TPST2: variants seen among roughly 807,000 people sequenced by gnomAD.
TPST2 encodes protein-tyrosine sulfotransferase 2.
In TPST2, 16 loss-of-function variants were observed where a neutral mutation model predicts 27.8. The observed-to-expected ratio is 0.58, with a 90% CI of 0.39 to 0.88. The LOEUF (loss-of-function observed/expected upper bound fraction) is 0.88. Among genes scored for constraint, TPST2 ranks in the 40% least tolerant of loss-of-function variants. The pLI, the probability that TPST2 is intolerant of heterozygous loss-of-function variation, is 0.00. For synonymous variants in TPST2, 229 were observed against 231.7 expected, an observed-to-expected ratio of 0.99 and a Z score of 0.10; for missense variants, 464 against 543.1, an observed-to-expected ratio of 0.85 and a Z score of 1.45.
intron 1 of TPST2, among the ~76,000 whole-genome samples, chr22:26,546,875 T>G (rs952149291): frequency 6.6e-6 from 1 of 151,676 alleles, no homozygotes; most frequent in Non-Finnish European, 1.5e-5. Context: ...GGGAAGAGGG[T>G]GAAGGGAAGA....
chr22:26,552,746 C>T (rs770918805), intron 1 of TPST2, among the ~76,000 whole-genome samples: 6 of 152,094 alleles, frequency 3.9e-5, no homozygotes. Flanking sequence ...AGTTTGCCAA[C>T]CCCCTGGTCT....
intron 1 of TPST2, among the ~76,000 whole-genome samples, chr22:26,556,522 A>G (rs1926803496): frequency 6.6e-6 from 1 of 152,216 alleles, no homozygotes; most frequent in Non-Finnish European, 1.5e-5. Flanking sequence ...CCTGGGCGAC[A>G]AGAGCGAAAC....
At chr22:26,534,032 G>A (rs530584241) in intron 4 of TPST2, among the ~76,000 whole-genome samples, 15 of 152,024 alleles carry the variant, frequency 9.9e-5, no homozygotes, top group Admixed American at 3.9e-4. Context: ...AATAAGAAAC[G>A]TTACATACTT....
At chr22:26,563,425 T>G in intron 1 of TPST2, among the ~76,000 whole-genome samples, 1 of 149,920 alleles carries the variant, frequency 6.7e-6, no homozygotes. Context: ...GTCTCCCGGG[T>G]TCACACCATT....
At position 26,541,713 on chromosome 22, in the gene TPST2, T is replaced by A; in HGVS notation, c.-83A>T. On this transcript the variant is annotated 5_prime_UTR_variant, in exon 3 of 7. The change abolishes the stop of an existing upstream ORF in the 5' untranslated region. Coordinates refer to ENST00000338754, the MANE Select transcript of TPST2 (RefSeq NM_003595.5). This position sits in a 1 kb window ranked among gnomAD's most constrained non-coding sequence, Gnocchi z 5.9. ...CAGGTTAGCGGGCAGCCCGCCAGGC[T>A]CACATCTGGGGAGAGAGGGGGACAT... 1 of 1,469,150 alleles carries A rather than the reference T, an allele frequency of 6.8e-7. No homozygotes were observed. Among genetic ancestry groups the A allele is most frequent in the Non-Finnish European group, 9.0e-7 (1 of 1,117,130 alleles). 91.0% of individuals were successfully genotyped at this position (1,469,150 alleles called of 1,614,324 possible).
chr22:26,550,204 G>A (rs1926392597), intron 1 of TPST2, among the ~76,000 whole-genome samples: 1 of 152,130 alleles, frequency 6.6e-6, no homozygotes, highest in African/African-American at 2.4e-5. Context: ...TACTGAGCAA[G>A]TACCATGTGC....
chr22:26,579,504 C>T (rs1055167428), intron 1 of TPST2, among the ~76,000 whole-genome samples: 4 of 152,180 alleles, frequency 2.6e-5, no homozygotes, highest in African/African-American at 9.7e-5. Flanking sequence ...GCGGCCTTGC[C>T]AGGTGCCTGA....
intron 1 of TPST2, among the ~76,000 whole-genome samples, chr22:26,545,934 C>T (rs945575560): frequency 6.6e-6 from 1 of 151,958 alleles, no homozygotes; most frequent in Non-Finnish European, 1.5e-5. Context: ...AAAAAGTTAT[C>T]CAGGTGATGG....
intron 1 of TPST2, among the ~76,000 whole-genome samples, chr22:26,559,954 GCATAT>G (rs1927002300): frequency 6.6e-6 from 1 of 152,146 alleles, no homozygotes; most frequent in Admixed American, 6.5e-5. Flanking sequence ...GGGTATAGAA[GCATAT>G]CATATCAATG....
intron 1 of TPST2, among the ~76,000 whole-genome samples, chr22:26,582,206 C>T: frequency 6.6e-6 from 1 of 152,192 alleles, no homozygotes; most frequent in East Asian, 1.9e-4. Context: ...GCAGGCAGAT[C>T]ACTTGAGGTC....
At chr22:26,567,190 T>C (rs1927415589) in intron 1 of TPST2, among the ~76,000 whole-genome samples, 1 of 152,212 alleles carries the variant, frequency 6.6e-6, no homozygotes, top group African/African-American at 2.4e-5. Context: ...AGCCTGTACC[T>C]GAACAGAAGA....
At position 26,563,909 on chromosome 22, in the gene TPST2, C is replaced by G. The variant is rs536468782; in HGVS notation, c.-160-19234G>C. ...ACCCCAGGCGTTTCCATGCACAATA[C>G]GATTTGAGAAGCACAGCTCTAGGTA... is the stretch of plus-strand genomic sequence containing the variant. On this transcript the variant is annotated intron_variant, in intron 1 of 6. Transcript: ENST00000338754. Among the ~76,000 whole-genome samples, 199 of 152,256 alleles carry G rather than the reference C, an allele frequency of 1.3e-3. 2 individuals carry two copies. Among genetic ancestry groups the G allele is most frequent in the African/African-American group, 4.4e-3 (182 of 41,558 alleles).
At chr22:26,563,386 T>A (rs1602289396) in intron 1 of TPST2, among the ~76,000 whole-genome samples, 1 of 149,152 alleles carries the variant, frequency 6.7e-6, no homozygotes, top group South Asian at 2.1e-4. Flanking sequence ...TGGAGTGCAG[T>A]GGCGTGATCT....
At chr22:26,537,946 A>C (rs1409794342) in intron 3 of TPST2, among the ~76,000 whole-genome samples, 1 of 152,168 alleles carries the variant, frequency 6.6e-6, no homozygotes, top group Non-Finnish European at 1.5e-5. Flanking sequence ...ATTCCCCTGA[A>C]GACAGACATT....
Position 26,541,291 on chromosome 22 carries a change from A to C in TPST2, c.340T>G (p.Ser114Ala), listed in dbSNP as rs758560095. ...CGCAGCTTCTCACGGCCAGACTTGG[A>C]CCAGGCCTGGCGCATGGCCAGCACG... ...PRVLAMRQAW[S>A]KSGREKLRLD... The change falls in exon 3 of 7, where the codon TCC (serine) becomes GCC (alanine). Residue 114 changes from serine (S) to alanine (A), a missense_variant. Physicochemically the swap from Ser to Ala is moderately conservative, Grantham distance 99. Coordinates refer to ENST00000338754, the MANE Select transcript of TPST2 (RefSeq NM_003595.5). The surrounding 1 kb of genome is among the most constrained non-coding windows in gnomAD (Gnocchi z 5.9). 6.5e-7 allele frequency: 1 copy of C among 1,541,716 alleles called. No homozygotes were observed. Among genetic ancestry groups the C allele is most frequent in the Non-Finnish European group, 8.8e-7 (1 of 1,142,612 alleles).
At chr22:26,577,508 C>CAGCT (rs757550918) in intron 1 of TPST2, among the ~76,000 whole-genome samples, 64 of 151,640 alleles carry the variant, frequency 4.2e-4, no homozygotes, top group Non-Finnish European at 8.3e-4. Context: ...CCACCATGCC[C>CAGCT]AGCTAATTTT....
chr22:26,575,235 C>T (rs1927784567), intron 1 of TPST2, among the ~76,000 whole-genome samples: 1 of 152,166 alleles, frequency 6.6e-6, no homozygotes, highest in African/African-American at 2.4e-5. Context: ...TAGCAGAGTA[C>T]CTGACACACA....
chr22:26,550,790 G>A (rs1449806040), intron 1 of TPST2: 3 of 410,118 alleles, frequency 7.3e-6, no homozygotes, highest in Non-Finnish European at 9.9e-6. Flanking sequence ...GGTCTCTTGG[G>A]CAGGGTCCCT....
chr22:26,544,476 G>C lies in TPST2; in HGVS notation c.-89+128C>G, dbSNP rs183312164. Reference sequence around the variant, plus strand: ...TCCAACCTGCTGGCTGAACAGAAAGGTGAAAACCAGCCAGGGGAGTTTGCC... The same window carrying C: ...TCCAACCTGCTGGCTGAACAGAAAGCTGAAAACCAGCCAGGGGAGTTTGCC... On this transcript the variant is annotated intron_variant, in intron 2 of 6. Transcript: ENST00000338754. 586 of 315,478 alleles carry C rather than the reference G, an allele frequency of 1.9e-3. 2 individuals carry two copies. The highest frequency in any genetic ancestry group is 2.4e-3 in the Non-Finnish European group (516 of 216,992). 19.5% of individuals were successfully genotyped at this position (315,478 alleles called of 1,614,324 possible). A position where few individuals can be genotyped will look rare whatever the true frequency, so the allele number is the denominator to read the frequency against.
Sources: gnomAD v4.1 joint callset for allele counts (sites outside exome capture counted in the v4.1 genomes callset) on GRCh38, gnomAD v4.1.1 for gene constraint, Gnocchi (gnomAD v3.1) non-coding constraint, MANE v1.5 for transcripts, NCBI Gene and HGNC (gene_info 2026-07-23, HGNC 2026-07-21) for gene names.